NECAB1: variants seen among roughly 807,000 people sequenced by gnomAD.
The protein encoded by NECAB1 is N-terminal EF-hand calcium binding protein 1, also known as N-terminal EF-hand calcium-binding protein 1.
In NECAB1, 29 loss-of-function variants were observed where a neutral mutation model predicts 57.5. The ratio of observed to expected loss-of-function variants is 0.50; its 90% CI spans 0.38 to 0.69. NECAB1 has a LOEUF of 0.69. Ranked by LOEUF, NECAB1 falls within the 30% of genes least tolerant of loss-of-function variation. NECAB1 has a pLI of 0.00. For missense variants in NECAB1, 372 were observed against 413.8 expected (o/e 0.90, Z 0.88); for synonymous variants, 142 against 147.7 (o/e 0.96, Z 0.28).
At chr8:90,913,613 A>C (rs75064742) in intron 5 of NECAB1, among the ~76,000 whole-genome samples, 2 of 152,220 alleles carry the variant, frequency 1.3e-5, no homozygotes, top group African/African-American at 2.4e-5. Context: ...CCAACATACC[A>C]GTCTTTTGGG....
At chr8:90,924,498 A>C (rs550819505) in intron 6 of NECAB1, among the ~76,000 whole-genome samples, 1 of 152,218 alleles carries the variant, frequency 6.6e-6, no homozygotes, top group South Asian at 2.1e-4. Flanking sequence ...TAAACACAGA[A>C]GGATTATATC....
chr8:90,869,158 G>A (rs1324382490), intron 3 of NECAB1, among the ~76,000 whole-genome samples: 12 of 152,246 alleles, frequency 7.9e-5, no homozygotes, highest in Non-Finnish European at 5.9e-5. Flanking sequence ...CAAGAGCTGA[G>A]GGTTGGGAGC....
At chr8:90,880,753 C>T (rs1808822069) in intron 4 of NECAB1, among the ~76,000 whole-genome samples, 1 of 152,232 alleles carries the variant, frequency 6.6e-6, no homozygotes, top group Admixed American at 6.5e-5. Flanking sequence ...ATTGAAACAT[C>T]CTTGTCAGTA....
chr8:90,950,413 TTAAAA>T (rs1339050013), intron 11 of NECAB1, among the ~76,000 whole-genome samples: 1 of 152,130 alleles, frequency 6.6e-6, no homozygotes, highest in Non-Finnish European at 1.5e-5. Flanking sequence ...TCTTTAAAAA[TTAAAA>T]TAATTACTAA....
intron 5 of NECAB1, among the ~76,000 whole-genome samples, chr8:90,894,886 A>G (rs1323980126): frequency 2.0e-5 from 3 of 152,202 alleles, no homozygotes; most frequent in African/African-American, 7.2e-5. Context: ...TTTTAGATAA[A>G]CAGATAATAA....
In NECAB1 at chr8:90,906,885, A is replaced by ATATATGTATATATATATATATG. The variant is rs1554574061; in HGVS notation, c.358-10602_358-10601insGTATATATATATATATGTATAT. ...TTACATATGATATACACATATATAT[A>ATATATGTATATATATATATATG]TATATATATATATATATATATATAT... On this transcript the variant is annotated intron_variant, in intron 5 of 12. Transcript: ENST00000417640. 4.0e-4 allele frequency among the ~76,000 whole-genome samples: 48 copies of ATATATGTATATATATATATATG among 120,916 alleles called. 1 individual carries two copies. Among genetic ancestry groups the ATATATGTATATATATATATATG allele is most frequent in the African/African-American group, 1.4e-3 (40 of 28,490 alleles). The allele number at this position is 120,916 out of a possible 152,430, so 79.3% of individuals were successfully genotyped here.
chr8:90,948,987 T>C (rs924363000), intron 10 of NECAB1, among the ~76,000 whole-genome samples: 7 of 152,240 alleles, frequency 4.6e-5, no homozygotes, highest in African/African-American at 1.7e-4. Context: ...AAACATATTA[T>C]GTAGACTTTT....
chr8:90,886,725 C>T (rs1369530517), intron 5 of NECAB1, among the ~76,000 whole-genome samples: 2 of 151,824 alleles, frequency 1.3e-5, no homozygotes, highest in African/African-American at 2.4e-5. Flanking sequence ...CCTTAGTTTG[C>T]CGTGTTTGCA....
chr8:90,883,309 A>G (rs1188358736), intron 5 of NECAB1, among the ~76,000 whole-genome samples: 2 of 152,232 alleles, frequency 1.3e-5, no homozygotes, highest in Admixed American at 6.5e-5. Context: ...CCCTTTGTGT[A>G]ATAGCTCAAA....
At chr8:90,800,542 A>AT (rs1173917356) in intron 1 of NECAB1, among the ~76,000 whole-genome samples, 1 of 152,156 alleles carries the variant, frequency 6.6e-6, no homozygotes, top group African/African-American at 2.4e-5. Flanking sequence ...GGAAGGTTGG[A>AT]TTTTATCAAA....
At chr8:90,819,311 G>A (rs1009514228) in intron 2 of NECAB1, among the ~76,000 whole-genome samples, 3 of 151,888 alleles carry the variant, frequency 2.0e-5, no homozygotes, top group Non-Finnish European at 4.4e-5. Context: ...TTTAATGCAT[G>A]TTTTGTCTCT....
At chr8:90,834,581 T>C (rs1259748776) in intron 3 of NECAB1, among the ~76,000 whole-genome samples, 1 of 152,154 alleles carries the variant, frequency 6.6e-6, no homozygotes, top group African/African-American at 2.4e-5. Context: ...CCTCCAGAAC[T>C]GTGAGCAATA....
In NECAB1 at chr8:90,956,115, G is replaced by GT. The variant is rs1290791431; in HGVS notation, c.*608dup. The GT allele has an allele frequency of 6.6e-6, 1 of 151,902 alleles. No individual in the cohort carries two copies. The highest frequency in any genetic ancestry group is 6.6e-5 in the Admixed American group (1 of 15,200). The allele number at this position is 151,902 out of a possible 1,614,324, so 9.4% of individuals were successfully genotyped here. A position where few individuals can be genotyped will look rare whatever the true frequency, so the allele number is the denominator to read the frequency against. On this transcript the variant is annotated 3_prime_UTR_variant, in exon 13 of 13. Transcript: ENST00000417640. The stretch of plus-strand genomic sequence containing the variant: ...TATCCACGTATCAGGTTATAGACTG[G>GT]TTTTTCAAAAGTGAACAATCCTGTG...
intron 3 of NECAB1, among the ~76,000 whole-genome samples, chr8:90,831,310 T>G (rs761357580): frequency 6.6e-6 from 1 of 152,076 alleles, no homozygotes; most frequent in African/African-American, 2.4e-5. Context: ...TAATGCAAAA[T>G]AGAACCAGGA....
chr8:90,817,066 C>T (rs190110421), intron 2 of NECAB1, among the ~76,000 whole-genome samples: 3 of 151,874 alleles, frequency 2.0e-5, no homozygotes, highest in Admixed American at 6.6e-5. Context: ...TTTTCAGCTT[C>T]GATTATAAAT....
In NECAB1 at chr8:90,947,351, C is replaced by CACACACACACACACACACAG. The variant is rs1342952213; in HGVS notation, c.861-2455_861-2454insCACACACACACACACACAGA. Among the ~76,000 whole-genome samples, 285 of 125,236 alleles carry CACACACACACACACACACAG rather than the reference C, an allele frequency of 2.3e-3. 10 individuals carry two copies. Among genetic ancestry groups the CACACACACACACACACACAG allele is most frequent in the East Asian group, 6.3e-3 (24 of 3,804 alleles). 82.2% of individuals were successfully genotyped at this position (125,236 alleles called of 152,430 possible). A position where few individuals can be genotyped will look rare whatever the true frequency, so the allele number is the denominator to read the frequency against. Reference sequence around the variant, plus strand: ...ACACACACACACACACACACACACACAATAAGCCAAGTACTGAGTTAAGAA... The same window carrying CACACACACACACACACACAG: ...ACACACACACACACACACACACACACACACACACACACACACACAGAATAAGCCAAGTACTGAGTTAAGAA... On this transcript the variant is annotated intron_variant, in intron 10 of 12. Transcript: ENST00000417640.
At chr8:90,865,737 A>C (rs1808500906) in intron 3 of NECAB1, among the ~76,000 whole-genome samples, 1 of 152,140 alleles carries the variant, frequency 6.6e-6, no homozygotes. Context: ...GCTAGGCCCT[A>C]GTGTTCAGAT....
chr8:90,899,089 AC>A (rs1231763579), intron 5 of NECAB1, among the ~76,000 whole-genome samples: 1 of 152,226 alleles, frequency 6.6e-6, no homozygotes, highest in African/African-American at 2.4e-5. Context: ...AGAGCCTCTG[AC>A]AAAGTTTTGG....
At chr8:90,920,686 A>G (rs888847341) in intron 6 of NECAB1, among the ~76,000 whole-genome samples, 4 of 152,104 alleles carry the variant, frequency 2.6e-5, no homozygotes, top group African/African-American at 9.7e-5. Context: ...GGAAGCCTTC[A>G]CTGCTCATTT....
Sources: allele counts gnomAD v4.1 joint callset (sites outside exome capture counted in the v4.1 genomes callset), GRCh38; gene constraint gnomAD v4.1.1; transcripts MANE v1.5; gene names NCBI Gene and HGNC (gene_info 2026-07-23, HGNC 2026-07-21).